Variants in PKHD1L1 observed in about 807,000 individuals in gnomAD.
PKHD1L1 encodes the protein fibrocystin-L.
PKHD1L1 carries 434 observed loss-of-function variants against 462.9 expected under a neutral mutation model. The ratio of observed to expected loss-of-function variants is 0.94; its 90% confidence interval spans 0.87 to 1.02. The LOEUF is 1.02. Among genes scored for constraint, PKHD1L1 ranks in the 50% least tolerant of loss-of-function variants. The probability of loss-of-function intolerance (pLI) is 0.00; values close to 1 mark genes in which losing one functional copy is unlikely to be tolerated. For missense variants in PKHD1L1, 5,202 were observed against 5,096.1 expected (o/e 1.02, Z -0.63); for synonymous variants, 1,781 against 1,750.0 (o/e 1.02, Z -0.44).
chr8:109,390,378 A>G, intron 8 of PKHD1L1, 74 bp from the exon 9 acceptor site: 1 of 773,270 alleles, frequency 1.3e-6, no homozygotes, highest in Non-Finnish European at 1.9e-6. Flanking sequence ...CTTTTAAATC[A>G]GCTTTATAAT....
Position 109,449,346 on chromosome 8 carries a change from G to C in PKHD1L1, c.6034G>C (p.Gly2012Arg), listed in dbSNP as rs1367882151. ...TTATTTGTCTTCACTAGGGAGCTTT[G>C]GTGGGGGTCAAACCATGACTGTGAC... ...QNINPSQGSF[G>R]GGQTMTVTGT... is the part of the protein sequence containing the mutation. Residue 2012 changes from glycine to arginine, a missense_variant, in exon 40 of 78, where the codon GGT (glycine) becomes CGT (arginine). Coordinates refer to ENST00000378402, the MANE Select transcript of PKHD1L1 (RefSeq NM_177531.6). 2 of 1,572,702 alleles carry C rather than the reference G, an allele frequency of 1.3e-6. No homozygotes were observed. The highest frequency in any genetic ancestry group is 1.7e-6 in the Non-Finnish European group (2 of 1,157,686).
chr8:109,486,283 T>A (rs892813383), intron 58 of PKHD1L1, among the ~76,000 whole-genome samples: 5 of 151,948 alleles, frequency 3.3e-5, no homozygotes, highest in Admixed American at 2.0e-4. Context: ...CTTCTCTACC[T>A]TATTTCCTCA....
In PKHD1L1 at chr8:109,485,138, T is replaced by G; in HGVS notation, c.9671T>G (p.Leu3224Arg). Residue 3224 changes from leucine (L) to arginine (R), a missense_variant, in exon 58 of 78, where the codon CTC (leucine) becomes CGC (arginine). Transcript: ENST00000378402. ...AAAATCCTGCATGATCATAAAATTCTCATTCTTAATGATAGCCTTTCCTAT... is the reference window on the plus strand; with the variant it reads ...AAAATCCTGCATGATCATAAAATTCGCATTCTTAATGATAGCCTTTCCTAT... ...IVKILHDHKI[L>R]ILNDSLSYTH... The G allele has an allele frequency of 6.3e-7, 1 of 1,596,278 alleles. No individual in the cohort carries two copies. The highest frequency in any genetic ancestry group is 8.5e-7 in the Non-Finnish European group (1 of 1,170,228).
chr8:109,469,592 C>T (rs559428970), intron 50 of PKHD1L1, among the ~76,000 whole-genome samples: 46 of 152,280 alleles, frequency 3.0e-4, no homozygotes, highest in African/African-American at 1.1e-3. Context: ...TGCAGTGCCA[C>T]TTCCATCATT....
At chr8:109,452,653 G>A (rs1300967387) in intron 42 of PKHD1L1, 65 bp from the exon 43 acceptor site, 10 of 1,163,418 alleles carry the variant, frequency 8.6e-6, no homozygotes, top group Non-Finnish European at 1.0e-5. Context: ...AATGCTTTTT[G>A]AAAAATCGAA....
At chr8:109,490,280 A>G (rs1169623729) in intron 60 of PKHD1L1, among the ~76,000 whole-genome samples, 1 of 151,784 alleles carries the variant, frequency 6.6e-6, no homozygotes, top group Non-Finnish European at 1.5e-5. Flanking sequence ...AATAGTATGG[A>G]GGGTGAAAGA....
intron 21 of PKHD1L1, among the ~76,000 whole-genome samples, chr8:109,416,747 G>C (rs1814194954): frequency 6.6e-6 from 1 of 152,094 alleles, no homozygotes; most frequent in African/African-American, 2.4e-5. Flanking sequence ...CCTCTGTTAG[G>C]TGGCAAGGAG....
At position 109,452,738 on chromosome 8, in the gene PKHD1L1, TG is replaced by T. The variant is rs748320865; in HGVS notation, c.6529del (p.Val2177LeufsTer39). On this transcript the variant is annotated frameshift_variant, in exon 43 of 78. Coordinates refer to ENST00000378402, the MANE Select transcript of PKHD1L1 (RefSeq NM_177531.6). LOFTEE classifies it high-confidence loss of function. Reference protein sequence around the residue: ...AKLDNADFLYVDAWSSNFSWG... With the variant: ...AKLDNADFLYXDAWSSNFSWG... The stretch of plus-strand genomic sequence containing the variant: ...TACAGGATAATGCTGACTTTCTTTA[TG>T]TTGATGCCTGGTCCTCCAATTTCTC... 6.5e-6 allele frequency: 10 copies of T among 1,536,230 alleles called. No homozygotes were observed. The East Asian group carries it at 2.4e-4, about 37-fold the overall frequency.
At chr8:109,519,586 G>A (rs1332122719) in intron 73 of PKHD1L1, among the ~76,000 whole-genome samples, 2 of 152,024 alleles carry the variant, frequency 1.3e-5, no homozygotes, top group African/African-American at 4.8e-5. Context: ...CAAGTACTCT[G>A]ATCTAGGTGT....
chr8:109,464,039 AT>A (rs1223589385), intron 48 of PKHD1L1, among the ~76,000 whole-genome samples, 176 bp from the exon 49 acceptor site: 1 of 152,148 alleles, frequency 6.6e-6, no homozygotes. Flanking sequence ...TCTGCTATAC[AT>A]TGTATAAAAC....
intron 21 of PKHD1L1, among the ~76,000 whole-genome samples, chr8:109,416,539 A>G (rs1162904934): frequency 1.3e-5 from 2 of 152,226 alleles, no homozygotes; most frequent in Admixed American, 6.5e-5. Flanking sequence ...TGCATCCCCC[A>G]GTGCACAAAT....
At chr8:109,408,523 T>C (rs1240833545) in intron 18 of PKHD1L1, among the ~76,000 whole-genome samples, 1 of 152,190 alleles carries the variant, frequency 6.6e-6, no homozygotes, top group Admixed American at 6.5e-5. Flanking sequence ...ACATCCAATT[T>C]GTTATCCTGT....
chr8:109,405,048 G>A lies in PKHD1L1; in HGVS notation c.1587G>A (p.Lys529=). Residue 529 remains lysine, a synonymous_variant, in exon 16 of 78, where the codon AAG becomes AAA. Coordinates refer to ENST00000378402, the MANE Select transcript of PKHD1L1 (RefSeq NM_177531.6). The stretch of plus-strand genomic sequence containing the variant: ...CTAATGCAATTAATGAGGTTCAGAA[G>A]ATCAAGGTAACCAGCCCATGTGTGG... ...ETTNAINEVQ[K]IKVTSPCVEA... 1 of 1,536,602 alleles carries A rather than the reference G, an allele frequency of 6.5e-7. No homozygotes were observed. The highest frequency in any genetic ancestry group is 8.8e-7 in the Non-Finnish European group (1 of 1,134,648).
Position 109,396,124 on chromosome 8 carries a change from A to T in PKHD1L1, c.909A>T (p.Arg303Ser). ...RFFDQTDFPV[R>S]VLVGGEPCDI... ...TTGATCAGACAGATTTCCCCGTCAGAGTTCTAGTTGGAGGTATTTCTCATG... is the reference window on the plus strand; with the variant it reads ...TTGATCAGACAGATTTCCCCGTCAGTGTTCTAGTTGGAGGTATTTCTCATG... The change falls in exon 11 of 78, where the codon AGA (arginine) becomes AGT (serine). Residue 303 changes from arginine (R) to serine (S), a missense_variant. Coordinates refer to ENST00000378402, the MANE Select transcript of PKHD1L1 (RefSeq NM_177531.6). 6.2e-7 allele frequency: 1 copy of T among 1,606,802 alleles called. No individual in the cohort carries two copies. The highest frequency in any genetic ancestry group is 8.5e-7 in the Non-Finnish European group (1 of 1,176,496).
chr8:109,462,585 A>C (rs187629781), intron 48 of PKHD1L1, among the ~76,000 whole-genome samples: 2 of 152,190 alleles, frequency 1.3e-5, no homozygotes, highest in Non-Finnish European at 2.9e-5. Flanking sequence ...CTCTGTTGCC[A>C]GGCTGGAGTG....
chr8:109,394,574 G>T (rs1411194624), intron 10 of PKHD1L1, 89 bp downstream of exon 10: 3 of 829,206 alleles, frequency 3.6e-6, no homozygotes, highest in East Asian at 3.0e-5. Context: ...TGAGTGTAAG[G>T]TGTATTATAT....
intron 2 of PKHD1L1, among the ~76,000 whole-genome samples, chr8:109,370,041 A>G (rs1393043852): frequency 6.6e-6 from 1 of 152,238 alleles, no homozygotes; most frequent in Non-Finnish European, 1.5e-5. Context: ...CCTAGCAGCT[A>G]AGAACATAAG....
intron 48 of PKHD1L1, among the ~76,000 whole-genome samples, chr8:109,462,966 T>C (rs931771486): frequency 1.3e-5 from 2 of 152,136 alleles, no homozygotes; most frequent in African/African-American, 4.8e-5. Context: ...ACCACTGTTA[T>C]TTAAAATTGC....
At chr8:109,521,773 AAT>A (rs1820562443) in intron 73 of PKHD1L1, among the ~76,000 whole-genome samples, 1 of 152,214 alleles carries the variant, frequency 6.6e-6, no homozygotes, top group South Asian at 2.1e-4. Flanking sequence ...ACATACACAT[AAT>A]ATGATCGATT....
Sources: gnomAD v4.1 joint callset for allele counts (sites outside exome capture counted in the v4.1 genomes callset) on GRCh38, gnomAD v4.1.1 for gene constraint, MANE v1.5 for transcripts, NCBI Gene and HGNC (gene_info 2026-07-23, HGNC 2026-07-21) for gene names.